Variants in FYB1 observed in about 807,000 individuals in gnomAD.
FYB1 encodes the protein FYN-binding protein 1.
A neutral mutation model predicts 94.1 loss-of-function variants in FYB1; 41 were observed. The ratio of observed to expected loss-of-function variants is 0.44; its 90% CI spans 0.34 to 0.57. The LOEUF is 0.57. FYB1 is among the 20% of genes least tolerant of loss of function. The pLI, the probability that FYB1 is intolerant of heterozygous loss-of-function variation, is 0.02. For synonymous variants in FYB1, 367 were observed against 353.2 expected (o/e 1.04, Z -0.44); for missense variants, 1,050 against 976.8 (o/e 1.07, Z -1.00).
intron 9 of FYB1, among the ~76,000 whole-genome samples, chr5:39,131,933 G>A (rs536035846): frequency 1.3e-5 from 2 of 152,286 alleles, no homozygotes; most frequent in African/African-American, 4.8e-5. Flanking sequence ...ATTTGATGAA[G>A]TGAAGAAGAG....
intron 2 of FYB1, among the ~76,000 whole-genome samples, chr5:39,165,783 C>T (rs1288987837): frequency 6.6e-6 from 1 of 151,998 alleles, no homozygotes; most frequent in Non-Finnish European, 1.5e-5. Flanking sequence ...ACTCACAACC[C>T]CCAAAATAAT....
intron 3 of FYB1, among the ~76,000 whole-genome samples, chr5:39,141,871 CA>C (rs1742216905): frequency 7.0e-6 from 1 of 142,000 alleles, no homozygotes; most frequent in African/African-American, 2.8e-5. Flanking sequence ...GATTCTGTCT[CA>C]GAAAAAAAAA....
chr5:39,163,601 C>T (rs1050319662), intron 2 of FYB1, among the ~76,000 whole-genome samples: 4 of 152,142 alleles, frequency 2.6e-5, no homozygotes, highest in Admixed American at 2.6e-4. Flanking sequence ...TATATGTAAT[C>T]ATGAAAGGTA....
intron 2 of FYB1, among the ~76,000 whole-genome samples, chr5:39,155,372 C>T (rs1743654049): frequency 6.6e-6 from 1 of 152,178 alleles, no homozygotes; most frequent in Non-Finnish European, 1.5e-5. Flanking sequence ...ACAGTTCCCA[C>T]AAGAATAGTT....
chr5:39,202,874 A>G lies in FYB1; in HGVS notation c.87T>C (p.Ser29=). ...AGTTCTTTCTTGCTTGTATTCCTGA[A>G]GATGAGTTTGGCCCTGTGACTCTGA... The part of the protein sequence containing the change: ...RPFRVTGPNS[S]SGIQARKNLF... Residue 29 remains serine, a synonymous_variant, in exon 2 of 19, where the codon TCT becomes TCC. Transcript: ENST00000512982. The G allele has an allele frequency of 6.2e-7, 1 of 1,613,942 alleles. No individual in the cohort carries two copies. The highest frequency in any genetic ancestry group is 8.5e-7 in the Non-Finnish European group (1 of 1,179,888).
At chr5:39,173,161 G>A (rs780803008) in intron 2 of FYB1, among the ~76,000 whole-genome samples, 3 of 152,034 alleles carry the variant, frequency 2.0e-5, no homozygotes, top group Admixed American at 6.5e-5. Flanking sequence ...GTGTGAGATC[G>A]TTTCTCATTA....
At chr5:39,154,770 T>G (rs1163226674) in intron 2 of FYB1, among the ~76,000 whole-genome samples, 3 of 152,114 alleles carry the variant, frequency 2.0e-5, no homozygotes, top group African/African-American at 7.2e-5. Flanking sequence ...ATTTTTGTAT[T>G]TTTAGTAGAG....
At chr5:39,145,912 C>CT (rs1308002947) in intron 3 of FYB1, among the ~76,000 whole-genome samples, 13 of 138,906 alleles carry the variant, frequency 9.4e-5, no homozygotes, top group East Asian at 2.4e-4. Context: ...TTTTTTTTTT[C>CT]TTTTTTTTTC....
At chr5:39,164,981 G>A (rs552879620) in intron 2 of FYB1, among the ~76,000 whole-genome samples, 4 of 152,296 alleles carry the variant, frequency 2.6e-5, no homozygotes, top group East Asian at 3.9e-4. Context: ...TGTTCTTAGC[G>A]TGACTCAAAG....
At chr5:39,167,958 A>G (rs1490124210) in intron 2 of FYB1, among the ~76,000 whole-genome samples, 1 of 34,904 alleles carries the variant, frequency 2.9e-5, no homozygotes, top group East Asian at 5.1e-4. Context: ...AGTTATGACA[A>G]TTATATTATT....
intron 2 of FYB1, among the ~76,000 whole-genome samples, chr5:39,191,510 C>G (rs1747357459): frequency 1.3e-5 from 2 of 152,160 alleles, no homozygotes; most frequent in African/African-American, 4.8e-5. Flanking sequence ...GATGTCTCAT[C>G]TTCGGTTACT....
Position 39,259,994 on chromosome 5 carries a change from A to G in FYB1, c.-28+14409T>C, listed in dbSNP as rs1331874215. ...ACAGTTGGTGACTCAACACATACGA[A>G]AAAAAGTTGTGAATGGAAAGATGAA... is the stretch of plus-strand genomic sequence containing the variant. On this transcript the variant is annotated intron_variant, in intron 1 of 1. Transcript: ENST00000510188. Among the ~76,000 whole-genome samples the G allele has an allele frequency of 2.0e-5, 3 of 152,194 alleles. No individual in the cohort carries two copies. In the East Asian group the frequency reaches 5.8e-4, roughly 29 times the overall value.
At position 39,106,201 on chromosome 5, in the gene FYB1, A is replaced by G. The variant is rs1760365685; in HGVS notation, c.*1242T>C. ...AAAACTTACTTAGTCTAATATTGTA[A>G]TTTACAGATAAGGAAACTGAGAAGA... On this transcript the variant is annotated 3_prime_UTR_variant, in exon 19 of 19. Coordinates refer to ENST00000512982, the MANE Select transcript of FYB1 (RefSeq NM_001465.6). 1 of 152,164 alleles carries G rather than the reference A, an allele frequency of 6.6e-6. No homozygotes were observed. The highest frequency in any genetic ancestry group is 2.1e-4 in the South Asian group (1 of 4,820). 9.4% of individuals were successfully genotyped at this position (152,164 alleles called of 1,614,324 possible). A position where few individuals can be genotyped will look rare whatever the true frequency, so the allele number is the denominator to read the frequency against.
At chr5:39,170,195 G>T in intron 2 of FYB1, 1 of 812,988 alleles carries the variant, frequency 1.2e-6, no homozygotes, top group Non-Finnish European at 2.1e-6. Flanking sequence ...CTTCTGTGAA[G>T]TTCAGTATAG....
intron 1 of FYB1, among the ~76,000 whole-genome samples, chr5:39,271,544 T>C (rs1209541450): frequency 6.6e-6 from 1 of 152,226 alleles, no homozygotes. Flanking sequence ...GCTTATTTAG[T>C]GTAAGGTCAC....
Position 39,138,001 on chromosome 5 carries a change from C to T in FYB1, c.1395-281G>A, listed in dbSNP as rs368733128. ...AGAGGCCCCATTCTTGCTGTATGTTCGCATAAATAGAATCCATCTCTTTTT... is the reference window on the plus strand; with the variant it reads ...AGAGGCCCCATTCTTGCTGTATGTTTGCATAAATAGAATCCATCTCTTTTT... On this transcript the variant is annotated intron_variant, in intron 6 of 18. Coordinates refer to ENST00000512982, the MANE Select transcript of FYB1 (RefSeq NM_001465.6). 110 of 409,646 alleles carry T rather than the reference C, an allele frequency of 2.7e-4. 2 individuals carry two copies. The highest frequency in any genetic ancestry group is 1.0e-3 in the African/African-American group (51 of 48,576). The allele number at this position is 409,646 out of a possible 1,614,324, so 25.4% of individuals were successfully genotyped here.
chr5:39,136,506 C>G (rs1488085268), intron 7 of FYB1, among the ~76,000 whole-genome samples: 1 of 152,068 alleles, frequency 6.6e-6, no homozygotes, highest in Non-Finnish European at 1.5e-5. Flanking sequence ...ATATAGCAAG[C>G]TTTTTCAAAA....
intron 10 of FYB1, among the ~76,000 whole-genome samples, chr5:39,129,632 T>TA (rs1741006475): frequency 6.6e-6 from 1 of 151,756 alleles, no homozygotes; most frequent in African/African-American, 2.4e-5. Flanking sequence ...AACAATCCCA[T>TA]AAAAAGGTGG....
At chr5:39,219,621 C>T (rs557351406), upstream of FYB1, 12 of 985,268 alleles carry the variant, frequency 1.2e-5, no homozygotes, top group African/African-American at 3.5e-5. Context: ...TGAGCCACAC[C>T]TCCCTCCCCT....
Sources: gnomAD v4.1 joint callset for allele counts (sites outside exome capture counted in the v4.1 genomes callset) on GRCh38, gnomAD v4.1.1 for gene constraint, MANE v1.5 for transcripts, NCBI Gene and HGNC (gene_info 2026-07-23, HGNC 2026-07-21) for gene names.